Variants in GALNT1 observed in about 807,000 individuals in gnomAD.
The protein encoded by GALNT1 is polypeptide N-acetylgalactosaminyltransferase 1.
GALNT1 carries 17 observed loss-of-function variants against 65.7 expected under a neutral mutation model. The ratio of observed to expected loss-of-function variants is 0.26; its 90% CI spans 0.18 to 0.39. The LOEUF (loss-of-function observed/expected upper bound fraction) is 0.39. Among genes scored for constraint, GALNT1 ranks in the 10% least tolerant of loss-of-function variants. The pLI is 1.00. For synonymous variants in GALNT1, 210 were observed against 219.7 expected (o/e 0.96, Z 0.39); for missense variants, 460 against 672.8 (o/e 0.68, Z 3.50).
chr18:35,672,442 C>T (rs909013326), intron 3 of GALNT1, among the ~76,000 whole-genome samples: 1 of 152,182 alleles, frequency 6.6e-6, no homozygotes, highest in African/African-American at 2.4e-5. Flanking sequence ...TCCTGCTCCC[C>T]GAGGTGGAAG....
At chr18:35,682,940 A>G (rs2144605621) in intron 4 of GALNT1, among the ~76,000 whole-genome samples, 1 of 151,602 alleles carries the variant, frequency 6.6e-6, no homozygotes, top group African/African-American at 2.4e-5. Context: ...GTATAGTCAA[A>G]GACCATGGTA....
At chr18:35,626,429 T>C (rs777708615) in intron 1 of GALNT1, among the ~76,000 whole-genome samples, 7 of 152,222 alleles carry the variant, frequency 4.6e-5, no homozygotes, top group Non-Finnish European at 7.3e-5. Context: ...AAAATTTATA[T>C]TGAAGTTCTG....
chr18:35,676,997 G>A (rs998627), intron 3 of GALNT1, among the ~76,000 whole-genome samples: 13,430 of 152,118 alleles, frequency 0.088, 675 homozygotes, highest in African/African-American at 0.14. Flanking sequence ...TAATTATGGC[G>A]GTGGCCCCAT....
chr18:35,682,726 T>G (rs1345527849), intron 4 of GALNT1, among the ~76,000 whole-genome samples: 1 of 152,066 alleles, frequency 6.6e-6, no homozygotes, highest in Non-Finnish European at 1.5e-5. Context: ...ATTGATTTCA[T>G]ACACCCACAT....
chr18:35,596,534 A>G (rs1056029971), intron 1 of GALNT1: 4 of 152,218 alleles, frequency 2.6e-5, no homozygotes, highest in Admixed American at 1.3e-4. Flanking sequence ...GTTCTTCGTG[A>G]AAGGTCTCCA....
At position 35,675,428 on chromosome 18, in the gene GALNT1, C is replaced by T. The variant is rs193162607; in HGVS notation, c.315-2163C>T. Among the ~76,000 whole-genome samples, 47 of 152,254 alleles carry T rather than the reference C, an allele frequency of 3.1e-4. 1 individual carries two copies. Among genetic ancestry groups the T allele is most frequent in the African/African-American group, 1.1e-3 (46 of 41,544 alleles). ...CTTTTTATCATCTGTTCTTCTGGAT[C>T]CTAATATTGCTTCTCTCTCTGATTC... is the stretch of plus-strand genomic sequence containing the variant. On this transcript the variant is annotated intron_variant, in intron 3 of 11. Transcript: ENST00000269195.
intron 1 of GALNT1, among the ~76,000 whole-genome samples, chr18:35,594,345 G>A (rs185103346): frequency 2.6e-5 from 4 of 152,242 alleles, no homozygotes; most frequent in East Asian, 1.9e-4. Flanking sequence ...AAGGAACTCC[G>A]GTCTGATGAG....
At chr18:35,632,889 T>C (rs910332431) in intron 1 of GALNT1, among the ~76,000 whole-genome samples, 6 of 152,156 alleles carry the variant, frequency 3.9e-5, no homozygotes, top group African/African-American at 9.7e-5. Flanking sequence ...GGGCGAAGGA[T>C]ATGAACAGAC....
intron 9 of GALNT1, among the ~76,000 whole-genome samples, chr18:35,700,400 C>G (rs780971227): frequency 1.3e-5 from 2 of 152,188 alleles, no homozygotes; most frequent in Non-Finnish European, 2.9e-5. Context: ...CAGGCGCCAC[C>G]AGGAGCCTGA....
At chr18:35,583,694 CA>C (rs1402102635) in intron 1 of GALNT1, among the ~76,000 whole-genome samples, 1 of 152,084 alleles carries the variant, frequency 6.6e-6, no homozygotes, top group African/African-American at 2.4e-5. Context: ...GACCCTGTCT[CA>C]AAAAACTGAA....
intron 1 of GALNT1, among the ~76,000 whole-genome samples, chr18:35,648,024 G>GAGA (rs71166076): frequency 0.037 from 5,343 of 145,906 alleles, 121 homozygotes; most frequent in African/African-American, 0.065. Context: ...AAAACAAAAA[G>GAGA]AGAAGAAGAA....
chr18:35,691,008 T>C lies in GALNT1; in HGVS notation c.979-4T>C. On this transcript the variant is annotated splice_region_variant and splice_polypyrimidine_tract_variant and intron_variant, in intron 7 of 11. Transcript: ENST00000269195. ...TGTTACATGGTCATCTCTGCTGTTT[T>C]CAGATTTGGCAGTGTGGAGGAACTT... 1 of 1,588,920 alleles carries C rather than the reference T, an allele frequency of 6.3e-7. No individual in the cohort carries two copies. The highest frequency in any genetic ancestry group is 1.2e-5 in the South Asian group (1 of 86,432).
intron 1 of GALNT1, among the ~76,000 whole-genome samples, chr18:35,640,254 T>C (rs12327289): frequency 0.1 from 15,820 of 152,258 alleles, 910 homozygotes; most frequent in Admixed American, 0.18. Flanking sequence ...TTTTTCAATA[T>C]GTTATTAATA....
chr18:35,686,340 C>T (rs1328295054), intron 5 of GALNT1, among the ~76,000 whole-genome samples: 1 of 152,096 alleles, frequency 6.6e-6, no homozygotes, highest in African/African-American at 2.4e-5. Context: ...CTTTGAGAGA[C>T]TGTACAGGCC....
chr18:35,638,121 C>A (rs1312838162), intron 1 of GALNT1, among the ~76,000 whole-genome samples: 1 of 152,176 alleles, frequency 6.6e-6, no homozygotes, highest in Non-Finnish European at 1.5e-5. Context: ...TGTTTTCATG[C>A]CTGCAAATGC....
At chr18:35,651,114 C>T (rs974371710) in intron 1 of GALNT1, among the ~76,000 whole-genome samples, 4 of 152,224 alleles carry the variant, frequency 2.6e-5, no homozygotes, top group East Asian at 1.9e-4. Context: ...CGTTCGGGGT[C>T]CCTGACTTCC....
rs111708399 is a variant in GALNT1, at chr18:35,673,500, T to C, written c.315-4091T>C. Among the ~76,000 whole-genome samples the C allele has an allele frequency of 6.4e-3, 977 of 152,378 alleles. 19 individuals carry two copies. Among genetic ancestry groups the C allele is most frequent in the African/African-American group, 0.022 (927 of 41,588 alleles). ...TAATTCCTCTGTCTTAGGGTTGTTA[T>C]AAGCATACATGGGATAACATATTTA... On this transcript the variant is annotated intron_variant, in intron 3 of 11. Transcript: ENST00000269195.
At chr18:35,628,538 A>C (rs2046953568) in intron 1 of GALNT1, among the ~76,000 whole-genome samples, 1 of 152,214 alleles carries the variant, frequency 6.6e-6, no homozygotes, top group Non-Finnish European at 1.5e-5. Flanking sequence ...AACAAACAGA[A>C]AGGACAACCA....
chr18:35,662,169 T>G (rs1169804663), intron 2 of GALNT1, among the ~76,000 whole-genome samples: 1 of 152,202 alleles, frequency 6.6e-6, no homozygotes, highest in African/African-American at 2.4e-5. Flanking sequence ...GTACTTATAG[T>G]TTTTACTACA....
Sources: allele counts gnomAD v4.1 joint callset (sites outside exome capture counted in the v4.1 genomes callset), GRCh38; gene constraint gnomAD v4.1.1; transcripts MANE v1.5; gene names NCBI Gene and HGNC (gene_info 2026-07-23, HGNC 2026-07-21).